Variants in ZNF320 observed in about 807,000 individuals in gnomAD.
The protein encoded by ZNF320 is zinc finger gene 320.
ZNF320 carries 2 observed loss-of-function variants against 6.8 expected under a neutral mutation model. The ratio of observed to expected loss-of-function variants is 0.29; its 90% CI spans 0.12 to 0.93. The LOEUF is 0.93. Among genes scored for constraint, ZNF320 ranks in the 40% least tolerant of loss-of-function variants. ZNF320 has a pLI of 0.55. For synonymous variants in ZNF320, 208 were observed against 203.2 expected, an observed-to-expected ratio of 1.02 and a Z score of -0.20; for missense variants, 472 against 611.0, an observed-to-expected ratio of 0.77 and a Z score of 2.40.
At chr19:52,891,140 C>T (rs1242611305) in intron 3 of ZNF320, 89 bp downstream of exon 3, 1 of 151,948 alleles carries the variant, frequency 6.6e-6, no homozygotes, top group African/African-American at 2.4e-5. Context: ...CAGAGTAAGA[C>T]TTAAAAATAA....
intron 1 of ZNF320, among the ~76,000 whole-genome samples, chr19:52,896,927 G>A (rs866658026): frequency 6.6e-6 from 1 of 152,160 alleles, no homozygotes; most frequent in Non-Finnish European, 1.5e-5. Context: ...GCCAAGCACC[G>A]GCCACACCTT....
chr19:52,883,741 T>C (rs868361532), intron 5 of ZNF320: 6 of 348,058 alleles, frequency 1.7e-5, no homozygotes, highest in African/African-American at 1.4e-4. Flanking sequence ...CTATTAAAAA[T>C]ACAAAAAAAA....
intron 4 of ZNF320, 75 bp from the exon 5 acceptor site, chr19:52,888,328 G>A: frequency 1.6e-6 from 1 of 624,876 alleles, no homozygotes; most frequent in Non-Finnish European, 2.4e-6. Context: ...GAAGAGGAGA[G>A]GGGAAAGCAT....
chr19:52,899,369 G>A (rs1483211596), upstream of ZNF320, among the ~76,000 whole-genome samples: 1 of 152,084 alleles, frequency 6.6e-6, no homozygotes, highest in Non-Finnish European at 1.5e-5. Context: ...GATGATCTAT[G>A]TGTAGACAAC....
the ZNF320 span, among the ~76,000 whole-genome samples, chr19:52,904,204 G>A: frequency 6.6e-6 from 1 of 152,358 alleles, no homozygotes; most frequent in East Asian, 1.9e-4. Context: ...CCGCTCTGGC[G>A]AGGCATTCCA....
chr19:52,894,946 A>C (rs1439961129), intron 1 of ZNF320: 1 of 152,342 alleles, frequency 6.6e-6, no homozygotes, highest in Non-Finnish European at 1.5e-5. Flanking sequence ...AATGGTAGTC[A>C]TAAGCTGTAA....
chr19:52,879,917 T>G lies in ZNF320; in HGVS notation c.*679A>C, dbSNP rs2063862499. 6.6e-6 allele frequency: 1 copy of G among 152,312 alleles called. No homozygotes were observed. The highest frequency in any genetic ancestry group is 1.9e-4 in the East Asian group (1 of 5,194). The allele number at this position is 152,312 out of a possible 1,614,324, so 9.4% of individuals were successfully genotyped here. On this transcript the variant is annotated 3_prime_UTR_variant, in exon 6 of 6. Coordinates refer to ENST00000682928, the MANE Select transcript of ZNF320 (RefSeq NM_001351774.2). Reference sequence around the variant, plus strand: ...TTTCTACCTTCAAATCTACAAACATTGATCAAAGTGATAAAAACATGTGCA... The same window carrying G: ...TTTCTACCTTCAAATCTACAAACATGGATCAAAGTGATAAAAACATGTGCA...
At chr19:52,902,036 A>T (rs1345062410), upstream of ZNF320, among the ~76,000 whole-genome samples, 2 of 151,968 alleles carry the variant, frequency 1.3e-5, no homozygotes, top group African/African-American at 4.8e-5. Context: ...ACCAGGGTGA[A>T]ATGGACTAAA....
upstream of ZNF320, among the ~76,000 whole-genome samples, chr19:52,899,502 A>C (rs553739144): frequency 6.6e-6 from 1 of 151,822 alleles, no homozygotes; most frequent in Admixed American, 6.6e-5. Flanking sequence ...TCGCTCTGTC[A>C]CCCAGGCTGG....
intron 5 of ZNF320, among the ~76,000 whole-genome samples, chr19:52,885,206 A>T (rs1349145773): frequency 1.3e-5 from 2 of 152,100 alleles, no homozygotes; most frequent in Non-Finnish European, 2.9e-5. Context: ...TGTCTCAAAG[A>T]AAAAATAAAT....
chr19:52,902,491 C>G (rs1000904920), upstream of ZNF320, among the ~76,000 whole-genome samples: 5 of 152,198 alleles, frequency 3.3e-5, no homozygotes, highest in Admixed American at 1.3e-4. Context: ...CTATTTCAAC[C>G]AGGCATTTGC....
chr19:52,866,667 T>C (rs1371716767), intron 5 of ZNF320, among the ~76,000 whole-genome samples: 1 of 151,902 alleles, frequency 6.6e-6, no homozygotes. Flanking sequence ...GGCCAGGAGT[T>C]TGAGACCAGC....
downstream of ZNF320, among the ~76,000 whole-genome samples, chr19:52,873,178 C>T (rs1043849570): frequency 3.9e-5 from 6 of 152,042 alleles, no homozygotes; most frequent in South Asian, 2.1e-4. Context: ...CTTTCTCTTT[C>T]GCTAATCCTC....
chr19:52,899,312 T>G (rs1353356455), upstream of ZNF320, among the ~76,000 whole-genome samples: 1 of 152,178 alleles, frequency 6.6e-6, no homozygotes, highest in Non-Finnish European at 1.5e-5. Flanking sequence ...CGGGTACATG[T>G]GTCAGTTTTG....
In ZNF320 at chr19:52,865,585, TTATACATATATTTATATATGA is replaced by T. The variant is rs2063538939; in HGVS notation, c.224-1447_224-1427del. Among the ~76,000 whole-genome samples, 4 of 130,818 alleles carry T rather than the reference TTATACATATATTTATATATGA, an allele frequency of 3.1e-5. 1 individual carries two copies. Among genetic ancestry groups the T allele is most frequent in the African/African-American group, 1.2e-4 (4 of 32,076 alleles). The allele number at this position is 130,818 out of a possible 152,430, so 85.8% of individuals were successfully genotyped here. On this transcript the variant is annotated intron_variant, in intron 5 of 5. Transcript: ENST00000673631. Reference sequence around the variant, plus strand: ...TGATCATACATATATATTTATATGATTATACATATATTTATATATGAGATTATACATATATATTTATATATG... The same window carrying T: ...TGATCATACATATATATTTATATGATGATTATACATATATATTTATATATG...
Position 52,876,396 on chromosome 19 carries a change from T to C in ZNF320, c.*4200A>G, listed in dbSNP as rs1289722408. 2 of 152,108 alleles carry C rather than the reference T, an allele frequency of 1.3e-5. No homozygotes were observed. Among genetic ancestry groups the C allele is most frequent in the Admixed American group, 6.5e-5 (1 of 15,274 alleles). The allele number at this position is 152,108 out of a possible 1,614,324, so 9.4% of individuals were successfully genotyped here. The stretch of plus-strand genomic sequence containing the variant: ...TGGCTTAAAAATATATCTAATGAAA[T>C]GTGGGGTCAAAGAAGAACATTTTGA... On this transcript the variant is annotated 3_prime_UTR_variant, in exon 6 of 6. Coordinates refer to ENST00000682928, the MANE Select transcript of ZNF320 (RefSeq NM_001351774.2).
At position 52,892,758 on chromosome 19, in the gene ZNF320, C is replaced by T. The variant is rs565522170; in HGVS notation, c.-192+1021G>A. Among the ~76,000 whole-genome samples, 574 of 151,728 alleles carry T rather than the reference C, an allele frequency of 3.8e-3. 2 individuals carry two copies. Among genetic ancestry groups the T allele is most frequent in the African/African-American group, 0.013 (551 of 41,170 alleles). On this transcript the variant is annotated intron_variant, in intron 2 of 5. Coordinates refer to ENST00000682928, the MANE Select transcript of ZNF320 (RefSeq NM_001351774.2). ...AATTGTCTCTTCCTTGTTATACCTC[C>T]CTGGCCCCACTCTCTGGCACCCCAG...
At chr19:52,873,179 G>A (rs746732199), downstream of ZNF320, among the ~76,000 whole-genome samples, 4 of 152,012 alleles carry the variant, frequency 2.6e-5, no homozygotes, top group African/African-American at 9.6e-5. Flanking sequence ...TTTCTCTTTC[G>A]CTAATCCTCC....
At chr19:52,868,894 C>T (rs1479446647) in intron 5 of ZNF320, among the ~76,000 whole-genome samples, 1 of 152,014 alleles carries the variant, frequency 6.6e-6, no homozygotes, top group African/African-American at 2.4e-5. Flanking sequence ...TAATTTTGTC[C>T]AGTGGATGAA....
Sources: gnomAD v4.1 joint callset for allele counts (sites outside exome capture counted in the v4.1 genomes callset) on GRCh38, gnomAD v4.1.1 for gene constraint, MANE v1.5 for transcripts, NCBI Gene and HGNC (gene_info 2026-07-23, HGNC 2026-07-21) for gene names.